PYROXD1: variants seen among roughly 807,000 people sequenced by gnomAD.
PYROXD1 encodes the protein tRNA ligase complex-associated NAD(P)H dehydrogenase PYROXD1.
PYROXD1 carries 42 observed loss-of-function variants against 62.0 expected under a neutral mutation model. The observed-to-expected ratio is 0.68, with a 90% confidence interval of 0.53 to 0.88. The LOEUF is 0.88. Ranked by LOEUF, PYROXD1 falls within the 40% of genes least tolerant of loss-of-function variation. The pLI, the probability that PYROXD1 is intolerant of heterozygous loss-of-function variation, is 0.00. For synonymous variants in PYROXD1, 170 were observed against 206.4 expected (o/e 0.82, Z 1.51); for missense variants, 493 against 604.8 (o/e 0.82, Z 1.94).
At chr12:21,442,678 C>T (rs1415245198) in intron 2 of PYROXD1, among the ~76,000 whole-genome samples, 1 of 152,174 alleles carries the variant, frequency 6.6e-6, no homozygotes. Flanking sequence ...TGACATTGGC[C>T]ACTTCTTTGT....
intron 2 of PYROXD1, among the ~76,000 whole-genome samples, chr12:21,442,354 C>T (rs551077814): frequency 2.6e-5 from 4 of 152,310 alleles, no homozygotes; most frequent in Non-Finnish European, 4.4e-5. Flanking sequence ...GCTTGTGAGG[C>T]AGCCAGGGAA....
chr12:21,465,516 T>TG (rs764647104), intron 10 of PYROXD1, among the ~76,000 whole-genome samples: 5 of 151,914 alleles, frequency 3.3e-5, no homozygotes, highest in Non-Finnish European at 5.9e-5. Flanking sequence ...TTGATGGGGT[T>TG]GTTTTTTTTT....
chr12:21,444,724 T>C (rs1416069925), intron 2 of PYROXD1, among the ~76,000 whole-genome samples: 3 of 152,070 alleles, frequency 2.0e-5, no homozygotes, highest in Non-Finnish European at 2.9e-5. Context: ...TTCCATGCAG[T>C]TTTTAAGGAG....
chr12:21,446,327 A>T (rs1942387197), intron 3 of PYROXD1, among the ~76,000 whole-genome samples: 1 of 151,610 alleles, frequency 6.6e-6, no homozygotes, highest in South Asian at 2.1e-4. Flanking sequence ...GGGAGACTTG[A>T]GGCAGGAGAA....
At chr12:21,455,037 C>T (rs1942569455) in intron 5 of PYROXD1, 95 bp from the exon 6 acceptor site, 3 of 584,896 alleles carry the variant, frequency 5.1e-6, no homozygotes, top group East Asian at 6.3e-5. Flanking sequence ...AAATGTATTC[C>T]CTACTTTTGC....
At chr12:21,440,339 A>G in intron 1 of PYROXD1, 29 bp from the exon 2 acceptor site, 2 of 1,361,026 alleles carry the variant, frequency 1.5e-6, no homozygotes, top group African/African-American at 1.5e-5. Context: ...AATTTGTCCT[A>G]ATTTTTTTTC....
At position 21,440,531 on chromosome 12, in the gene PYROXD1, TTTTC is replaced by T. The variant is rs1026667389; in HGVS notation, c.165+90_165+93del. 97 of 764,854 alleles carry T rather than the reference TTTTC, an allele frequency of 1.3e-4. No homozygotes were observed. In the African/African-American group the frequency reaches 1.4e-3, roughly 11 times the overall value. 47.4% of individuals were successfully genotyped at this position (764,854 alleles called of 1,614,324 possible). ...TAGCAGTTAGGGTAATTGTGTATTT[TTTTC>T]TTTCTTAAAAATTGACAAGTACAGT... On this transcript the variant is annotated intron_variant, in intron 2 of 11. Transcript: ENST00000240651.
intron 3 of PYROXD1, among the ~76,000 whole-genome samples, chr12:21,446,086 ATAAG>A (rs1256521100): frequency 2.0e-5 from 3 of 152,222 alleles, no homozygotes; most frequent in Admixed American, 6.5e-5. Flanking sequence ...AGGCTAGAAG[ATAAG>A]TAAGTGAGAA....
intron 10 of PYROXD1, among the ~76,000 whole-genome samples, chr12:21,463,712 C>T (rs1250351081): frequency 8.6e-6 from 1 of 116,802 alleles, no homozygotes; most frequent in African/African-American, 3.1e-5. Context: ...AAAAAAAATT[C>T]CTGTAGTAAA....
rs373641339 is a variant in PYROXD1 at position 21,467,665 on chromosome 12, T to G, written c.1254+47T>G. ...ATGCCTTCTCTGCTTGTTAGTCTTA[T>G]GACTATGATAAATCATGTGATTTTC... On this transcript the variant is annotated intron_variant, in intron 11 of 11. Coordinates refer to ENST00000240651, the MANE Select transcript of PYROXD1 (RefSeq NM_024854.5). The G allele has an allele frequency of 5.9e-6, 8 of 1,367,258 alleles. No homozygotes were observed. The African/African-American group carries it at 1.0e-4, about 17-fold the overall frequency. The allele number at this position is 1,367,258 out of a possible 1,614,324, so 84.7% of individuals were successfully genotyped here. A position where few individuals can be genotyped will look rare whatever the true frequency, so the allele number is the denominator to read the frequency against.
chr12:21,449,554 T>C lies in PYROXD1; in HGVS notation c.286-9T>C, dbSNP rs1302327055. On this transcript the variant is annotated splice_polypyrimidine_tract_variant and intron_variant, in intron 3 of 11. Transcript: ENST00000240651. ...CTCCCTTTTCTTTCATTGTTTGATG[T>C]ATTTACAGTGCATTGTAACAGAAGA... The C allele has an allele frequency of 1.9e-6, 3 of 1,605,340 alleles. No homozygotes were observed. The East Asian group carries it at 6.7e-5, about 36-fold the overall frequency.
intron 7 of PYROXD1, among the ~76,000 whole-genome samples, chr12:21,460,546 C>G (rs369811031): frequency 1.3e-5 from 2 of 151,904 alleles, no homozygotes; most frequent in African/African-American, 4.8e-5. Context: ...GCCTCAGCCT[C>G]CCGAGTAGCT....
At chr12:21,439,493 C>G (rs1942255529) in intron 1 of PYROXD1, among the ~76,000 whole-genome samples, 1 of 152,070 alleles carries the variant, frequency 6.6e-6, no homozygotes, top group Non-Finnish European at 1.5e-5. Context: ...GGGTGTTGGG[C>G]ACGATAGCTC....
chr12:21,467,020 C>G (rs1238329468), intron 10 of PYROXD1, among the ~76,000 whole-genome samples: 1 of 152,070 alleles, frequency 6.6e-6, no homozygotes, highest in Non-Finnish European at 1.5e-5. Context: ...TTTATGTTGT[C>G]TTGGTGAGGC....
chr12:21,447,924 A>G, intron 3 of PYROXD1: 1 of 223,100 alleles, frequency 4.5e-6, no homozygotes, highest in Admixed American at 5.7e-5. Context: ...GGGAGATTGC[A>G]GTGAGCTGAG....
rs537430565 is a variant in PYROXD1 at position 21,455,939 on chromosome 12, C to T, written c.650-56C>T. ...ATTGCCTAAATAAAAAACTTCAGAA[C>T]ACTAACATATTTCTCTATCTGGTAA... On this transcript the variant is annotated intron_variant, in intron 6 of 11. Coordinates refer to ENST00000240651, the MANE Select transcript of PYROXD1 (RefSeq NM_024854.5). 10 of 1,140,736 alleles carry T rather than the reference C, an allele frequency of 8.8e-6. No homozygotes were observed. In the African/African-American group the frequency reaches 1.6e-4, roughly 18 times the overall value. The allele number at this position is 1,140,736 out of a possible 1,614,324, so 70.7% of individuals were successfully genotyped here. A position where few individuals can be genotyped will look rare whatever the true frequency, so the allele number is the denominator to read the frequency against.
chr12:21,438,589 G>A (rs1280446826), intron 1 of PYROXD1: 1 of 152,176 alleles, frequency 6.6e-6, no homozygotes, highest in East Asian at 1.9e-4. Context: ...TTTATTTCTA[G>A]TAAAGTTTTG....
intron 3 of PYROXD1, among the ~76,000 whole-genome samples, chr12:21,446,902 G>A (rs745427511): frequency 2.6e-5 from 4 of 152,144 alleles, no homozygotes; most frequent in Non-Finnish European, 5.9e-5. Flanking sequence ...GCAACAGAGT[G>A]AGACCCTGTC....
Position 21,468,829 on chromosome 12 carries a change from C to T in PYROXD1, c.*75C>T. 2 of 1,356,594 alleles carry T rather than the reference C, an allele frequency of 1.5e-6. No individual in the cohort carries two copies. The highest frequency in any genetic ancestry group is 2.0e-6 in the Non-Finnish European group (2 of 990,848). The allele number at this position is 1,356,594 out of a possible 1,614,324, so 84.0% of individuals were successfully genotyped here. A position where few individuals can be genotyped will look rare whatever the true frequency, so the allele number is the denominator to read the frequency against. On this transcript the variant is annotated 3_prime_UTR_variant, in exon 12 of 12. Coordinates refer to ENST00000240651, the MANE Select transcript of PYROXD1 (RefSeq NM_024854.5). ...AATCACAAGTCAATAAAATGAATGA[C>T]TGTATTGAGTTAATGATGACCACAC...
Sources: allele counts gnomAD v4.1 joint callset (sites outside exome capture counted in the v4.1 genomes callset), GRCh38; gene constraint gnomAD v4.1.1; transcripts MANE v1.5; gene names NCBI Gene and HGNC (gene_info 2026-07-23, HGNC 2026-07-21).